The following TNFAIP2 variants were observed in gnomAD, a reference collection of about 807,000 sequenced individuals.
TNFAIP2 encodes the protein TNF alpha induced protein 2.
A neutral mutation model predicts 63.5 loss-of-function variants in TNFAIP2; 47 were observed. That is an observed-to-expected ratio of 0.74 (90% CI 0.59 to 0.94). The LOEUF is 0.94. Ranked by LOEUF, TNFAIP2 falls within the 40% of genes least tolerant of loss-of-function variation. TNFAIP2 has a pLI of 0.00. For missense variants in TNFAIP2, 787 were observed against 850.2 expected (o/e 0.93, Z 0.92); for synonymous variants, 405 against 390.2 (o/e 1.04, Z -0.45).
rs1478235008 is a variant in TNFAIP2 at position 103,127,828 on chromosome 14, G to C, written c.860+199G>C. Among the ~76,000 whole-genome samples, 2 of 152,192 alleles carry C rather than the reference G, an allele frequency of 1.3e-5. No homozygotes were observed. ...AGGCAGAGACTGGGCCTGGACACAG[G>C]GATAAGGCTGGGGCTGGGTCTGCGT... On this transcript the variant is annotated intron_variant, in intron 3 of 11. Coordinates refer to ENST00000560869, the MANE Select transcript of TNFAIP2 (RefSeq NM_006291.4). This position sits in a 1 kb window ranked among gnomAD's most constrained non-coding sequence, Gnocchi z 5.1.
chr14:103,122,920 C>A, upstream of TNFAIP2: 1 of 427,090 alleles, frequency 2.3e-6, no homozygotes, highest in Non-Finnish European at 4.7e-6. Context: ...AGGCCCTGTG[C>A]ACAGCCGCGC....
At chr14:103,126,742 G>C in intron 2 of TNFAIP2, 50 bp downstream of exon 2, 2 of 1,514,850 alleles carry the variant, frequency 1.3e-6, no homozygotes, top group Admixed American at 2.2e-5. Flanking sequence ...GACGGGGTTG[G>C]CGCTCATCCG....
chr14:103,130,560 C>G (rs546193739), intron 6 of TNFAIP2, 145 bp downstream of exon 6: 1 of 820,682 alleles, frequency 1.2e-6, no homozygotes, highest in African/African-American at 1.7e-5. Flanking sequence ...GTTTCCCACT[C>G]AGCCAGGGCA....
At position 103,136,035 on chromosome 14, in the gene TNFAIP2, T is replaced by A. The variant is rs1307738836; in HGVS notation, c.*675T>A. ...CCTCTTCATCCCCCAAGGCCTCAAC[T>A]AGAGGGTGGTCCCCCGAGGGCTTGG... is the stretch of plus-strand genomic sequence containing the variant. On this transcript the variant is annotated 3_prime_UTR_variant, in exon 12 of 12. Transcript: ENST00000560869. 1 of 1,269,956 alleles carries A rather than the reference T, an allele frequency of 7.9e-7. No homozygotes were observed. The highest frequency in any genetic ancestry group is 1.5e-5 in the African/African-American group (1 of 64,922). The allele number at this position is 1,269,956 out of a possible 1,614,324, so 78.7% of individuals were successfully genotyped here.
chr14:103,130,060 A>C lies in TNFAIP2; in HGVS notation c.1034A>C (p.Glu345Ala). Reference sequence around the variant, plus strand: ...GAGCTAGAGGCACGGCGCTGGGCTGAGGATGTGCCTCCCCAGAGGCTGGAC... The same window carrying C: ...GAGCTAGAGGCACGGCGCTGGGCTGCGGATGTGCCTCCCCAGAGGCTGGAC... ...ALELEARRWA[E>A]DVPPQRLDGH... Residue 345 changes from glutamate to alanine, a missense_variant, in exon 5 of 12, where the codon GAG (glutamate) becomes GCG (alanine). Physicochemically the swap from Glu to Ala is moderately radical, Grantham distance 107. Around this residue, in one of 3 missense-constraint regions of TNFAIP2, gnomAD observed 523 missense variants for 604.1 expected, o/e 0.87. Coordinates refer to ENST00000560869, the MANE Select transcript of TNFAIP2 (RefSeq NM_006291.4). 1 of 1,613,416 alleles carries C rather than the reference A, an allele frequency of 6.2e-7. No individual in the cohort carries two copies.
rs369318879 is a variant in TNFAIP2 at position 103,132,883 on chromosome 14, T to C, written c.1545+11T>C. The C allele has an allele frequency of 1.4e-5, 22 of 1,613,254 alleles. No individual in the cohort carries two copies. Among genetic ancestry groups the C allele is most frequent in the Non-Finnish European group, 1.8e-5 (21 of 1,179,782 alleles). ...GGCTGTTTCCGGGAGGTGAGGAGGCTCTGGGCTGGTGGCTGGGTCTTGGGG... is the reference window on the plus strand; with the variant it reads ...GGCTGTTTCCGGGAGGTGAGGAGGCCCTGGGCTGGTGGCTGGGTCTTGGGG... On this transcript the variant is annotated intron_variant, in intron 9 of 11. Transcript: ENST00000560869.
rs2087985584 is a variant in TNFAIP2, at chr14:103,131,987, GGGCCGCC to G, written c.1422+226_1422+232del. On this transcript the variant is annotated intron_variant, in intron 8 of 11. Coordinates refer to ENST00000560869, the MANE Select transcript of TNFAIP2 (RefSeq NM_006291.4). This position sits in a 1 kb window ranked among gnomAD's most constrained non-coding sequence, Gnocchi z 4.0. Reference sequence around the variant, plus strand: ...CATGTCCTGGGGTTTCACCTGAGAGGGGCCGCCTGGGGCTGGGAGGGGCCGCCTGGGG... The same window carrying G: ...CATGTCCTGGGGTTTCACCTGAGAGGTGGGGCTGGGAGGGGCCGCCTGGGG... Among the ~76,000 whole-genome samples the G allele has an allele frequency of 1.5e-4, 1 of 6,584 alleles. No homozygotes were observed. Among genetic ancestry groups the G allele is most frequent in the Admixed American group, 1.9e-3 (1 of 536 alleles). The allele number at this position is 6,584 out of a possible 152,430, so 4.3% of individuals were successfully genotyped here.
At chr14:103,124,626 G>C (rs931571629) in intron 1 of TNFAIP2, 1 of 152,406 alleles carries the variant, frequency 6.6e-6, no homozygotes, top group Non-Finnish European at 1.5e-5. Context: ...GGTGGGGCCT[G>C]GGCACCCAGG....
intron 1 of TNFAIP2, among the ~76,000 whole-genome samples, chr14:103,125,322 G>A (rs1212282060): frequency 6.6e-6 from 1 of 152,192 alleles, no homozygotes; most frequent in East Asian, 1.9e-4. Flanking sequence ...GCTGGGCAGG[G>A]ACTCTGGGGA....
In TNFAIP2 at chr14:103,126,635, G is replaced by C. The variant is rs1479202953; in HGVS notation, c.178G>C (p.Ala60Pro). The change falls in exon 2 of 12, where the codon GCG (alanine) becomes CCG (proline). Residue 60 changes from alanine (A) to proline (P), a missense_variant. Coordinates refer to ENST00000560869, the MANE Select transcript of TNFAIP2 (RefSeq NM_006291.4). ...GKKKKGQPSS[A>P]EPEDAAGSRQ... is the part of the protein sequence containing the mutation. ...GAAGAAGAAGGGTCAGCCCAGCTCA[G>C]CGGAGCCCGAGGACGCAGCCGGGTC... The C allele has an allele frequency of 6.4e-7, 1 of 1,554,992 alleles. No homozygotes were observed.
At position 103,132,973 on chromosome 14, in the gene TNFAIP2, C is replaced by T. The variant is rs1158226278; in HGVS notation, c.1545+101C>T. 3.3e-5 allele frequency: 50 copies of T among 1,528,928 alleles called. No homozygotes were observed. The East Asian group carries it at 3.9e-4, about 12-fold the overall frequency. 94.7% of individuals were successfully genotyped at this position (1,528,928 alleles called of 1,614,324 possible). Reference sequence around the variant, plus strand: ...GTACACTCACGCACATGTGCTCACACGCGCACATGTGAACACACGTGAATG... The same window carrying T: ...GTACACTCACGCACATGTGCTCACATGCGCACATGTGAACACACGTGAATG... On this transcript the variant is annotated intron_variant, in intron 9 of 11. Coordinates refer to ENST00000560869, the MANE Select transcript of TNFAIP2 (RefSeq NM_006291.4).
chr14:103,122,344 T>C (rs1374249886), upstream of TNFAIP2, among the ~76,000 whole-genome samples: 1 of 151,926 alleles, frequency 6.6e-6, no homozygotes, highest in Non-Finnish European at 1.5e-5. Context: ...GGAAGACCTG[T>C]TACTAGGCTG....
intron 10 of TNFAIP2, 65 bp from the exon 11 acceptor site, chr14:103,133,617 C>A: frequency 6.4e-7 from 1 of 1,556,618 alleles, no homozygotes; most frequent in South Asian, 1.2e-5. Context: ...CCTCTCTAAG[C>A]CCAACGAGTC....
Position 103,132,826 on chromosome 14 carries a change from A to G in TNFAIP2, c.1499A>G (p.Asp500Gly). The change falls in exon 9 of 12, where the codon GAC becomes GGC. Residue 500 changes from aspartate (D) to glycine (G), a missense_variant. Asp to Gly is a moderately conservative substitution (Grantham distance 94, BLOSUM62 -1). Around this residue, in one of 3 missense-constraint regions of TNFAIP2, gnomAD observed 523 missense variants for 604.1 expected, o/e 0.87. Coordinates refer to ENST00000560869, the MANE Select transcript of TNFAIP2 (RefSeq NM_006291.4). ...ETLENIIATV[D>G]TRLPEFSELQ... The stretch of plus-strand genomic sequence containing the variant: ...CTGGAAAACATCATCGCCACTGTAG[A>G]CACGAGGCTGCCTGAGTTCTCAGAG... The G allele has an allele frequency of 3.1e-6, 5 of 1,614,098 alleles. No homozygotes were observed. Among genetic ancestry groups the G allele is most frequent in the Non-Finnish European group, 4.2e-6 (5 of 1,179,976 alleles).
At chr14:103,132,259 G>T (rs905459060) in intron 8 of TNFAIP2, among the ~76,000 whole-genome samples, 1 of 152,176 alleles carries the variant, frequency 6.6e-6, no homozygotes. Context: ...CACAGAAAAT[G>T]CTGTGAAAAC....
chr14:103,122,172 G>A (rs1168386286), upstream of TNFAIP2, among the ~76,000 whole-genome samples: 2 of 152,162 alleles, frequency 1.3e-5, no homozygotes, highest in Admixed American at 6.5e-5. Context: ...CATCCTGGCG[G>A]CCTCCCGCAT....
chr14:103,129,699 T>G, intron 3 of TNFAIP2, 41 bp from the exon 4 acceptor site: 3 of 1,571,534 alleles, frequency 1.9e-6, no homozygotes, highest in Non-Finnish European at 2.6e-6. Context: ...GTGGTGCTGA[T>G]TTGGTATAGT....
At position 103,136,330 on chromosome 14, in the gene TNFAIP2, A is replaced by G. The variant is rs906874180; in HGVS notation, c.*970A>G. On this transcript the variant is annotated 3_prime_UTR_variant, in exon 12 of 12. Coordinates refer to ENST00000560869, the MANE Select transcript of TNFAIP2 (RefSeq NM_006291.4). ...GTCAGAAGGCTGACCCGGGGCTCAAATCTGGGTGTCGGCAGTCCTGCACTC... is the reference window on the plus strand; with the variant it reads ...GTCAGAAGGCTGACCCGGGGCTCAAGTCTGGGTGTCGGCAGTCCTGCACTC... 3 of 178,678 alleles carry G rather than the reference A, an allele frequency of 1.7e-5. No homozygotes were observed. Among genetic ancestry groups the G allele is most frequent in the Non-Finnish European group, 3.6e-5 (3 of 83,198 alleles). The allele number at this position is 178,678 out of a possible 1,614,324, so 11.1% of individuals were successfully genotyped here.
upstream of TNFAIP2, chr14:103,122,962 T>C (rs1891168455): frequency 5.3e-6 from 2 of 373,910 alleles, no homozygotes; most frequent in South Asian, 1.9e-5. Context: ...TGTAGCCCCC[T>C]TCCCCTTAGG....
Sources: allele counts gnomAD v4.1 joint callset (sites outside exome capture counted in the v4.1 genomes callset), GRCh38; gene constraint gnomAD v4.1.1; regional missense constraint gnomAD v4.1.1; non-coding constraint Gnocchi (gnomAD v3.1); transcripts MANE v1.5; gene names NCBI Gene and HGNC (gene_info 2026-07-23, HGNC 2026-07-21).